HDAC9: variants seen among roughly 807,000 people sequenced by gnomAD.
HDAC9 encodes the protein MEF-2 interacting transcription repressor (MITR) protein.
Under a neutral mutation model 139.4 loss-of-function variants are expected in HDAC9, and 41 were observed. The observed-to-expected ratio is 0.29, with a 90% CI of 0.23 to 0.38. The LOEUF is 0.38. Ranked by LOEUF, HDAC9 falls within the 10% of genes least tolerant of loss-of-function variation. The pLI is 1.00. For missense variants in HDAC9, 1,147 were observed against 1,297.0 expected (o/e 0.88, Z 1.78); for synonymous variants, 517 against 476.2 (o/e 1.09, Z -1.12).
At position 18,935,899 on chromosome 7, in the gene HDAC9, G is replaced by C. The variant is rs1781596105; in HGVS notation, c.2894G>C (p.Cys965Ser). 1 of 1,613,866 alleles carries C rather than the reference G, an allele frequency of 6.2e-7. No homozygotes were observed. The highest frequency in any genetic ancestry group is 8.5e-7 in the Non-Finnish European group (1 of 1,179,792). ...GGAGGACATGATCTCACAGCCATCT[G>C]TGATGCATCAGAAGCCTGTGTAAAT... ...LEGGHDLTAI[C>S]DASEACVNAL... Residue 965 changes from cysteine (C) to serine (S), a missense_variant, in exon 23 of 26, where the codon TGT becomes TCT. Coordinates refer to ENST00000686413, the MANE Select transcript of HDAC9 (RefSeq NM_178425.4).
At chr7:18,712,355 C>A (rs1784407367) in intron 12 of HDAC9, among the ~76,000 whole-genome samples, 2 of 152,160 alleles carry the variant, frequency 1.3e-5, no homozygotes, top group Admixed American at 1.3e-4. Context: ...TGGGCTCTAG[C>A]ATGTGGGACT....
rs192266639 is a variant in HDAC9 at position 18,610,283 on chromosome 7, C to T, written c.664+16254C>T. On this transcript the variant is annotated intron_variant, in intron 6 of 25. Transcript: ENST00000686413. ...TCATTTAAATGAATTTTCCTAGTGT[C>T]CAGCTGCTTAGATGATGTTATCAAT... is the stretch of plus-strand genomic sequence containing the variant. Among the ~76,000 whole-genome samples, 6 of 152,212 alleles carry T rather than the reference C, an allele frequency of 3.9e-5. No homozygotes were observed. In the South Asian group the frequency reaches 1.2e-3, roughly 32 times the overall value.
chr7:18,605,605 A>C (rs573370714), intron 6 of HDAC9, among the ~76,000 whole-genome samples: 82 of 152,230 alleles, frequency 5.4e-4, no homozygotes, highest in Non-Finnish European at 7.4e-4. Context: ...ATTCACTGAG[A>C]GAAACTGGTT....
At chr7:18,165,307 A>T (rs1787927584) in intron 2 of HDAC9, among the ~76,000 whole-genome samples, 1 of 152,154 alleles carries the variant, frequency 6.6e-6, no homozygotes, top group Non-Finnish European at 1.5e-5. Flanking sequence ...TAGAATGTAT[A>T]TTGCTCTTTG....
intron 1 of HDAC9, among the ~76,000 whole-genome samples, chr7:18,365,379 T>C (rs1255313157): frequency 2.0e-5 from 3 of 152,116 alleles, no homozygotes; most frequent in East Asian, 3.9e-4. Flanking sequence ...CATGAGCAGT[T>C]CCTGGCATTA....
chr7:18,550,106 G>T (rs900365919), intron 2 of HDAC9, among the ~76,000 whole-genome samples: 5 of 151,898 alleles, frequency 3.3e-5, no homozygotes, highest in Non-Finnish European at 7.4e-5. Flanking sequence ...TCTTTGAGAA[G>T]TGCAGATCAT....
chr7:18,933,551 G>A (rs191572255), intron 22 of HDAC9, among the ~76,000 whole-genome samples: 233 of 152,136 alleles, frequency 1.5e-3, no homozygotes, highest in African/African-American at 5.2e-3. Flanking sequence ...GTCACATTCA[G>A]TCCATTGCAC....
At chr7:18,190,033 G>T (rs372928155) in intron 2 of HDAC9, among the ~76,000 whole-genome samples, 1 of 151,924 alleles carries the variant, frequency 6.6e-6, no homozygotes, top group African/African-American at 2.4e-5. Flanking sequence ...TCTGCCTCCC[G>T]GGTTCAAGCA....
At chr7:18,751,971 A>G (rs541300685) in intron 14 of HDAC9, among the ~76,000 whole-genome samples, 1 of 152,092 alleles carries the variant, frequency 6.6e-6, no homozygotes, top group African/African-American at 2.4e-5. Context: ...TACTAAACAC[A>G]ATGGAAGCAA....
intron 1 of HDAC9, among the ~76,000 whole-genome samples, chr7:18,410,945 C>T (rs1342910483): frequency 6.6e-6 from 1 of 152,110 alleles, no homozygotes; most frequent in Admixed American, 6.5e-5. Context: ...AAAAAAATAG[C>T]CTTATAGAAT....
chr7:18,789,286 G>GCGCACA (rs146066951), intron 16 of HDAC9, among the ~76,000 whole-genome samples: 342 of 148,424 alleles, frequency 2.3e-3, no homozygotes, highest in East Asian at 7.3e-3. Context: ...ACACATACAC[G>GCGCACA]CACACACACA....
chr7:18,588,021 T>C (rs991269033), intron 3 of HDAC9, among the ~76,000 whole-genome samples: 1 of 152,184 alleles, frequency 6.6e-6, no homozygotes, highest in Non-Finnish European at 1.5e-5. Context: ...ATTATTTCAT[T>C]ACAATGGAAT....
At chr7:18,922,269 A>G (rs1211767464) in intron 22 of HDAC9, among the ~76,000 whole-genome samples, 1 of 152,126 alleles carries the variant, frequency 6.6e-6, no homozygotes, top group Non-Finnish European at 1.5e-5. Context: ...AATTGCTTTT[A>G]TAACAAGACA....
chr7:19,000,207 T>G lies in HDAC9; in HGVS notation c.*4145T>G, dbSNP rs1182228257. The G allele has an allele frequency of 6.6e-6, 1 of 152,256 alleles. No individual in the cohort carries two copies. Among genetic ancestry groups the G allele is most frequent in the Non-Finnish European group, 1.5e-5 (1 of 68,042 alleles). The allele number at this position is 152,256 out of a possible 1,614,324, so 9.4% of individuals were successfully genotyped here. A position where few individuals can be genotyped will look rare whatever the true frequency, so the allele number is the denominator to read the frequency against. Reference sequence around the variant, plus strand: ...CAAATTTCTTGTTTCCAAAGGCCACTATTGTAGTACAGTCTCCAGCAGGAT... The same window carrying G: ...CAAATTTCTTGTTTCCAAAGGCCACGATTGTAGTACAGTCTCCAGCAGGAT... On this transcript the variant is annotated 3_prime_UTR_variant, in exon 26 of 26. Transcript: ENST00000686413.
chr7:18,599,284 A>C (rs1273302808), intron 6 of HDAC9, among the ~76,000 whole-genome samples: 2 of 152,192 alleles, frequency 1.3e-5, no homozygotes, highest in Non-Finnish European at 1.5e-5. Context: ...TGTTGCAATT[A>C]AGGAACAACT....
At chr7:18,512,735 T>G (rs1419881637) in intron 2 of HDAC9, among the ~76,000 whole-genome samples, 1 of 152,238 alleles carries the variant, frequency 6.6e-6, no homozygotes, top group Non-Finnish European at 1.5e-5. Flanking sequence ...ATACATTATA[T>G]GTGTATTATA....
intron 21 of HDAC9, among the ~76,000 whole-genome samples, chr7:18,858,732 A>G (rs528808822): frequency 1.3e-5 from 2 of 152,340 alleles, no homozygotes; most frequent in East Asian, 1.9e-4. Context: ...TCATGTCACC[A>G]TGGAAATTTC....
Position 18,868,150 on chromosome 7 carries a change from C to T in HDAC9, c.2685-6328C>T, listed in dbSNP as rs80048977. Among the ~76,000 whole-genome samples the T allele has an allele frequency of 5.3e-5, 8 of 152,006 alleles. No homozygotes were observed. In the East Asian group the frequency reaches 1.6e-3, roughly 29 times the overall value. On this transcript the variant is annotated intron_variant, in intron 21 of 25. Transcript: ENST00000686413. ...CATACAACATGGTCTTCTTATATGC[C>T]AGGTAATCCCTGATTTTCCACTCAT...
intron 1 of HDAC9, among the ~76,000 whole-genome samples, chr7:18,410,789 A>G (rs1365890): frequency 0.19 from 29,453 of 152,084 alleles, 3,589 homozygotes; most frequent in East Asian, 0.25. Context: ...ACTTTTATAA[A>G]AGTTTCTGCC....
Sources: allele counts gnomAD v4.1 joint callset (sites outside exome capture counted in the v4.1 genomes callset), GRCh38; gene constraint gnomAD v4.1.1; transcripts MANE v1.5; gene names NCBI Gene and HGNC (gene_info 2026-07-23, HGNC 2026-07-21).